Variants in DNAH14 observed in about 807,000 individuals in gnomAD.
DNAH14 encodes dynein axonemal heavy chain 14, also known as axonemal beta dynein heavy chain 14.
A neutral mutation model predicts 520.9 loss-of-function variants in DNAH14; 478 were observed. The ratio of observed to expected loss-of-function variants is 0.92; its 90% CI spans 0.85 to 0.99. The LOEUF is 0.99. Ranked by LOEUF, DNAH14 falls within the 50% of genes least tolerant of loss-of-function variation. The pLI is 0.00. For missense variants in DNAH14, 4,831 were observed against 5,234.5 expected (o/e 0.92, Z 2.38); for synonymous variants, 1,581 against 1,757.2 (o/e 0.90, Z 2.51).
intron 84 of DNAH14, chr1:225,396,268 T>C (rs2096009603): frequency 6.6e-6 from 1 of 152,216 alleles, no homozygotes; most frequent in African/African-American, 2.4e-5. Flanking sequence ...AAAACTGCTC[T>C]GGCTGTTGGA....
intron 77 of DNAH14, among the ~76,000 whole-genome samples, chr1:225,371,164 C>G (rs181348548): frequency 6.6e-6 from 1 of 152,018 alleles, no homozygotes; most frequent in Non-Finnish European, 1.5e-5. Context: ...GAATAATATA[C>G]ATAAGAACTG....
At chr1:224,955,920 A>G (rs1379308006) in intron 3 of DNAH14, among the ~76,000 whole-genome samples, 1 of 152,008 alleles carries the variant, frequency 6.6e-6, no homozygotes, top group African/African-American at 2.4e-5. Flanking sequence ...CCTTACCTCT[A>G]ATTCATTCCT....
chr1:225,374,230 TATA>T (rs1477942763), intron 77 of DNAH14, among the ~76,000 whole-genome samples: 31 of 35,412 alleles, frequency 8.8e-4, no homozygotes, highest in South Asian at 5.6e-3. Flanking sequence ...ATGAAATATA[TATA>T]ATATATATAT....
At chr1:224,984,388 A>C (rs552663434) in intron 8 of DNAH14, among the ~76,000 whole-genome samples, 3 of 152,350 alleles carry the variant, frequency 2.0e-5, no homozygotes, top group African/African-American at 7.2e-5. Context: ...TACAAAAATC[A>C]ACTGAAGATG....
chr1:225,282,857 C>T (rs983007330), intron 54 of DNAH14, among the ~76,000 whole-genome samples: 1 of 152,108 alleles, frequency 6.6e-6, no homozygotes, highest in African/African-American at 2.4e-5. Context: ...ATCATCCATT[C>T]GTGTGCTTTG....
At chr1:225,150,315 C>T (rs1259215762) in intron 31 of DNAH14, among the ~76,000 whole-genome samples, 2 of 152,098 alleles carry the variant, frequency 1.3e-5, no homozygotes, top group African/African-American at 4.8e-5. Context: ...GTTGAGGATT[C>T]TTTCACTGAT....
chr1:225,324,071 C>T (rs1403457025), intron 62 of DNAH14, 151 bp from the exon 63 acceptor site: 7 of 883,026 alleles, frequency 7.9e-6, no homozygotes, highest in African/African-American at 1.7e-5. Context: ...CCACCTCGAC[C>T]TCCCAAAGTG....
intron 5 of DNAH14, among the ~76,000 whole-genome samples, chr1:224,965,056 AT>A (rs1194428418): frequency 5.3e-5 from 8 of 151,806 alleles, no homozygotes; most frequent in Non-Finnish European, 1.0e-4. Flanking sequence ...TATGCTATTC[AT>A]TTTTTTCTTA....
Position 224,999,612 on chromosome 1 carries a change from A to T in DNAH14, c.831-3171A>T, listed in dbSNP as rs184805893. The stretch of plus-strand genomic sequence containing the variant: ...TTATATGGGCTTTAAGTTGTAAGCC[A>T]TTTTTTTTATTCTGTTCGTTCTCTC... On this transcript the variant is annotated intron_variant, in intron 8 of 85. Transcript: ENST00000682510. Among the ~76,000 whole-genome samples, 1,313 of 151,904 alleles carry T rather than the reference A, an allele frequency of 8.6e-3. 14 individuals carry two copies. The highest frequency in any genetic ancestry group is 0.027 in the Middle Eastern group (8 of 294).
At chr1:225,325,685 A>C (rs751480344) in intron 64 of DNAH14, among the ~76,000 whole-genome samples, 18 of 152,208 alleles carry the variant, frequency 1.2e-4, no homozygotes, top group Non-Finnish European at 2.1e-4. Context: ...AAAGTAATAC[A>C]TTTCAGAGAC....
At chr1:224,947,978 G>A (rs2059951892) in intron 1 of DNAH14, among the ~76,000 whole-genome samples, 1 of 151,886 alleles carries the variant, frequency 6.6e-6, no homozygotes, top group Admixed American at 6.6e-5. Context: ...TATGCCATAT[G>A]TGCTTAAAAT....
chr1:225,095,312 C>A (rs1254031429), intron 21 of DNAH14, among the ~76,000 whole-genome samples: 1 of 152,060 alleles, frequency 6.6e-6, no homozygotes, highest in Non-Finnish European at 1.5e-5. Context: ...GGGATATATG[C>A]AGCCATAAAA....
intron 55 of DNAH14, among the ~76,000 whole-genome samples, chr1:225,290,629 ATATGTG>A (rs1439323915): frequency 5.4e-5 from 4 of 73,450 alleles, no homozygotes; most frequent in Admixed American, 1.9e-4. Flanking sequence ...GTGTATAGAT[ATATGTG>A]TGTGTGTGTG....
chr1:224,940,089 T>G (rs2059313134), intron 1 of DNAH14, among the ~76,000 whole-genome samples: 1 of 152,242 alleles, frequency 6.6e-6, no homozygotes, highest in African/African-American at 2.4e-5. Flanking sequence ...ATTTGATGGC[T>G]GAGCTGGGCT....
At chr1:225,245,406 T>C (rs1386619847) in intron 43 of DNAH14, among the ~76,000 whole-genome samples, 3 of 152,156 alleles carry the variant, frequency 2.0e-5, no homozygotes, top group Non-Finnish European at 4.4e-5. Flanking sequence ...CCTTGTTAAT[T>C]TTCTGTCTTG....
In DNAH14 at chr1:225,050,330, C is replaced by T; in HGVS notation, c.2033C>T (p.Pro678Leu). The change falls in exon 16 of 86, where the codon CCA (proline) becomes CTA (leucine). Residue 678 changes from proline (P) to leucine (L), a missense_variant. Pro to Leu is a moderately conservative substitution (Grantham distance 98, BLOSUM62 -3). Transcript: ENST00000682510. ...CATTATAAAGAGCAGACCAGATGGC[C>T]AGATTGTCACATCCTTTTTGAAACA... ...IIHYKEQTRW[P>L]DCHILFETDP... 4.5e-6 allele frequency: 7 copies of T among 1,547,152 alleles called. No individual in the cohort carries two copies. The highest frequency in any genetic ancestry group is 6.1e-6 in the Non-Finnish European group (7 of 1,145,544).
At chr1:225,155,086 T>C (rs2080896619) in intron 34 of DNAH14, among the ~76,000 whole-genome samples, 1 of 152,184 alleles carries the variant, frequency 6.6e-6, no homozygotes, top group Non-Finnish European at 1.5e-5. Context: ...ACTGAAATTC[T>C]GTTTTTCACT....
chr1:224,935,990 CAG>C (rs1232154916), intron 1 of DNAH14, among the ~76,000 whole-genome samples: 1 of 151,410 alleles, frequency 6.6e-6, no homozygotes, highest in East Asian at 1.9e-4. Context: ...GAAATTAAGA[CAG>C]AAACAAAAAA....
chr1:225,361,914 T>A (rs770339612), intron 75 of DNAH14, among the ~76,000 whole-genome samples: 6 of 152,256 alleles, frequency 3.9e-5, no homozygotes, highest in Non-Finnish European at 8.8e-5. Context: ...TCACATTTAT[T>A]TCATGACTTA....
Sources: allele counts gnomAD v4.1 joint callset (sites outside exome capture counted in the v4.1 genomes callset), GRCh38; gene constraint gnomAD v4.1.1; transcripts MANE v1.5; gene names NCBI Gene and HGNC (gene_info 2026-07-23, HGNC 2026-07-21).